Variants in STRN observed in about 807,000 individuals in gnomAD.
STRN encodes the protein protein phosphatase 2 regulatory subunit B'''alpha.
A neutral mutation model predicts 96.3 loss-of-function variants in STRN; 53 were observed. The observed-to-expected ratio is 0.55, with a 90% CI of 0.44 to 0.69. The LOEUF (loss-of-function observed/expected upper bound fraction) is 0.69. STRN is among the 30% of genes least tolerant of loss of function. The pLI, the probability that STRN is intolerant of heterozygous loss-of-function variation, is 0.00. For missense variants in STRN, 987 were observed against 963.9 expected (o/e 1.02, Z -0.32); for synonymous variants, 428 against 355.9 (o/e 1.20, Z -2.28).
In STRN at chr2:36,886,760, T is replaced by C; in HGVS notation, c.998A>G (p.Lys333Arg). The C allele has an allele frequency of 6.2e-7, 1 of 1,613,660 alleles. No individual in the cohort carries two copies. The highest frequency in any genetic ancestry group is 8.5e-7 in the Non-Finnish European group (1 of 1,179,780). Residue 333 changes from lysine (K) to arginine (R), a missense_variant, in exon 8 of 18, where the codon AAG (lysine) becomes AGG (arginine). Lys to Arg is a conservative substitution (Grantham distance 26, BLOSUM62 2). Coordinates refer to ENST00000263918, the MANE Select transcript of STRN (RefSeq NM_003162.4). ...CTTTCTCTCCTTTTTGTATTGTTCC[T>C]TGAGTTTGGTAATTACTCCCTGGTC... ...NVDQGVITKL[K>R]EQYKKERKGK...
chr2:36,858,002 G>C lies in STRN; in HGVS notation c.1691C>G (p.Pro564Arg). Residue 564 changes from proline (P) to arginine (R), a missense_variant, in exon 14 of 18, where the codon CCT becomes CGT. Pro to Arg is a moderately radical substitution (Grantham distance 103). Coordinates refer to ENST00000263918, the MANE Select transcript of STRN (RefSeq NM_003162.4). ...GACTGCATCCGTGTGGCCTAGCAGAGGGCCTCGTAAAACAGAAGGATCTAT... is the reference window on the plus strand; with the variant it reads ...GACTGCATCCGTGTGGCCTAGCAGACGGCCTCGTAAAACAGAAGGATCTAT... ...DSYDPSVLRG[P>R]LLGHTDAVWG... The C allele has an allele frequency of 6.2e-7, 1 of 1,606,734 alleles. No homozygotes were observed. Among genetic ancestry groups the C allele is most frequent in the Non-Finnish European group, 8.5e-7 (1 of 1,175,836 alleles).
In STRN at chr2:36,839,153, C is replaced by T. The variant is rs936106202; in HGVS notation, c.*10303G>A. ...CATGCTTCGTTTTGCCATTATGAAT[C>T]TTTATGCATTGTTTTTTGCATTTAA... On this transcript the variant is annotated 3_prime_UTR_variant, in exon 18 of 18. Coordinates refer to ENST00000263918, the MANE Select transcript of STRN (RefSeq NM_003162.4). Among the ~76,000 whole-genome samples, 1 of 152,096 alleles carries T rather than the reference C, an allele frequency of 6.6e-6. No homozygotes were observed. Among genetic ancestry groups the T allele is most frequent in the African/African-American group, 2.4e-5 (1 of 41,420 alleles).
chr2:36,877,993 C>G lies in STRN; in HGVS notation c.1221G>C (p.Lys407Asn). 1 of 1,614,134 alleles carries G rather than the reference C, an allele frequency of 6.2e-7. No homozygotes were observed. Residue 407 changes from lysine to asparagine, a missense_variant, in exon 10 of 18, where the codon AAG becomes AAC. Transcript: ENST00000263918. ...EALTFPPSSG[K>N]SFIMGADEAL... ...CTTCATCTGCTCCCATGATGAATGA[C>G]TTTCCAGAAGAAGGAGGAAATGTCA...
At chr2:36,942,704 CT>C (rs111477681) in intron 1 of STRN, among the ~76,000 whole-genome samples, 1 of 151,118 alleles carries the variant, frequency 6.6e-6, no homozygotes, top group East Asian at 1.9e-4. Context: ...ATCAATTTTT[CT>C]TTTTTTTTGA....
chr2:36,910,039 GGCAGGC>G (rs1669923777), intron 3 of STRN, among the ~76,000 whole-genome samples: 1 of 152,088 alleles, frequency 6.6e-6, no homozygotes, highest in Non-Finnish European at 1.5e-5. Flanking sequence ...CAGGTGTGGT[GGCAGGC>G]GCCTGTAATC....
intron 1 of STRN, among the ~76,000 whole-genome samples, chr2:36,963,054 C>T (rs1665067311): frequency 6.6e-6 from 1 of 152,096 alleles, no homozygotes; most frequent in African/African-American, 2.4e-5. Flanking sequence ...TGCCTAATCT[C>T]AACTGGATGT....
chr2:36,858,172 G>A, intron 13 of STRN, 149 bp from the exon 14 acceptor site: 1 of 531,174 alleles, frequency 1.9e-6, no homozygotes, highest in Non-Finnish European at 3.0e-6. Context: ...ACAGGCTACA[G>A]TAAATCAAAA....
intron 10 of STRN, 117 bp from the exon 11 acceptor site, chr2:36,869,846 A>G (rs1668719193): frequency 1.3e-6 from 1 of 791,262 alleles, no homozygotes; most frequent in Admixed American, 4.0e-5. Flanking sequence ...TGCAATTTTT[A>G]AAACAATATA....
intron 2 of STRN, among the ~76,000 whole-genome samples, chr2:36,923,849 G>T (rs539957456): frequency 6.6e-6 from 1 of 151,936 alleles, no homozygotes; most frequent in East Asian, 1.9e-4. Context: ...AAAAAAAAAT[G>T]AACTCAGATT....
intron 3 of STRN, among the ~76,000 whole-genome samples, chr2:36,912,985 C>T (rs1670003110): frequency 6.6e-6 from 1 of 152,180 alleles, no homozygotes; most frequent in Admixed American, 6.5e-5. Context: ...AGAAGATCAG[C>T]ATAAAATCAA....
intron 1 of STRN, among the ~76,000 whole-genome samples, chr2:36,929,516 C>A (rs2148237475): frequency 6.6e-6 from 1 of 152,238 alleles, no homozygotes; most frequent in Non-Finnish European, 1.5e-5. Context: ...TCCTGAGTAG[C>A]TGGGATTACA....
intron 1 of STRN, among the ~76,000 whole-genome samples, chr2:36,937,372 A>G (rs529163895): frequency 1.3e-5 from 2 of 151,660 alleles, no homozygotes; most frequent in East Asian, 3.9e-4. Context: ...AAGAAAAGAA[A>G]GAAAAAGAAA....
At chr2:36,964,196 A>AGGG (rs1665099864) in intron 1 of STRN, among the ~76,000 whole-genome samples, 1 of 131,094 alleles carries the variant, frequency 7.6e-6, no homozygotes, top group Non-Finnish European at 1.6e-5. Flanking sequence ...GGGGGGAAGG[A>AGGG]TGGGTTGGAA....
chr2:36,859,970 G>C (rs1668435585), intron 13 of STRN, among the ~76,000 whole-genome samples: 1 of 152,212 alleles, frequency 6.6e-6, no homozygotes, highest in Non-Finnish European at 1.5e-5. Flanking sequence ...ACTGGTAATT[G>C]TGTTTTCTAG....
At chr2:36,876,750 CA>C (rs1418899631) in intron 10 of STRN, among the ~76,000 whole-genome samples, 1 of 74,766 alleles carries the variant, frequency 1.3e-5, no homozygotes, top group Non-Finnish European at 3.0e-5. Flanking sequence ...CAATTATAAA[CA>C]TTTTTTTTTT....
chr2:36,937,176 T>C (rs2148247953), intron 1 of STRN, among the ~76,000 whole-genome samples: 1 of 151,862 alleles, frequency 6.6e-6, no homozygotes, highest in East Asian at 1.9e-4. Context: ...AAACCCTGTC[T>C]CTACTAAAAA....
At position 36,846,414 on chromosome 2, in the gene STRN, TATATATATATATATAG is replaced by T. The variant is rs1228479602; in HGVS notation, c.*3026_*3041del. ...ATATATATATATATATATATATATA[TATATATATATATATAG>T]TTTATATATTATATATATTCTTACA... On this transcript the variant is annotated 3_prime_UTR_variant, in exon 18 of 18. Coordinates refer to ENST00000263918, the MANE Select transcript of STRN (RefSeq NM_003162.4). 1.6e-5 allele frequency: 2 copies of T among 128,030 alleles called. No individual in the cohort carries two copies. The highest frequency in any genetic ancestry group is 5.8e-5 in the African/African-American group (2 of 34,516). 7.9% of individuals were successfully genotyped at this position (128,030 alleles called of 1,614,324 possible).
At chr2:36,873,371 A>C (rs1220593934) in intron 10 of STRN, among the ~76,000 whole-genome samples, 1 of 152,210 alleles carries the variant, frequency 6.6e-6, no homozygotes, top group Non-Finnish European at 1.5e-5. Context: ...ACAGTAAAAG[A>C]ACTACAGACT....
intron 13 of STRN, 104 bp downstream of exon 13, chr2:36,861,028 C>G: frequency 1.5e-6 from 2 of 1,344,556 alleles, no homozygotes; most frequent in South Asian, 3.1e-5. Context: ...TTCTCTTTAC[C>G]TATTTATTTT....
Sources: gnomAD v4.1 joint callset for allele counts (sites outside exome capture counted in the v4.1 genomes callset) on GRCh38, gnomAD v4.1.1 for gene constraint, MANE v1.5 for transcripts, NCBI Gene and HGNC (gene_info 2026-07-23, HGNC 2026-07-21) for gene names.